Variants in SLC36A1 observed in about 807,000 individuals in gnomAD.
SLC36A1 encodes the protein solute carrier family 36 member 1.
In SLC36A1, 30 loss-of-function variants were observed where a neutral mutation model predicts 47.5. That is an observed-to-expected ratio of 0.63 (90% CI 0.47 to 0.86). The LOEUF (loss-of-function observed/expected upper bound fraction) is 0.86. Among genes scored for constraint, SLC36A1 ranks in the 40% least tolerant of loss-of-function variants. SLC36A1 has a pLI of 0.00. For synonymous variants in SLC36A1, 255 were observed against 249.7 expected (o/e 1.02, Z -0.20); for missense variants, 517 against 606.0 (o/e 0.85, Z 1.54).
chr5:151,420,904 T>A, the SLC36A1 span, among the ~76,000 whole-genome samples: 1 of 150,776 alleles, frequency 6.6e-6, no homozygotes, highest in Admixed American at 6.6e-5. Flanking sequence ...AGAGTCTCGC[T>A]CTGTTGCCCA....
At chr5:151,497,161 G>A (rs981338937), downstream of SLC36A1, among the ~76,000 whole-genome samples, 26 of 152,096 alleles carry the variant, frequency 1.7e-4, no homozygotes, top group Non-Finnish European at 2.4e-4. Flanking sequence ...TTTAAAAAAA[G>A]TGGTGAGAGT....
At chr5:151,468,956 C>G (rs1756966705) in intron 7 of SLC36A1, among the ~76,000 whole-genome samples, 2 of 152,072 alleles carry the variant, frequency 1.3e-5, no homozygotes, top group African/African-American at 4.8e-5. Context: ...GAGAGAACAT[C>G]TGTATACAGA....
the SLC36A1 span, among the ~76,000 whole-genome samples, chr5:151,369,866 C>T: frequency 2.0e-5 from 3 of 152,148 alleles, no homozygotes; most frequent in Admixed American, 1.3e-4. Flanking sequence ...GCGATCTCAG[C>T]TCACTGCAAC....
chr5:151,371,570 TGAGGTCATTGAGACTTAGTG>T, the SLC36A1 span, among the ~76,000 whole-genome samples: 1 of 152,210 alleles, frequency 6.6e-6, no homozygotes, highest in Non-Finnish European at 1.5e-5. Context: ...ACTTTAGAGA[TGAGGTCATTGAGACTTAGTG>T]AAGTTAAAAG....
the SLC36A1 span, among the ~76,000 whole-genome samples, chr5:151,533,685 A>T: frequency 2.0e-5 from 3 of 152,084 alleles, no homozygotes; most frequent in East Asian, 5.8e-4. Flanking sequence ...TCTGAATTAT[A>T]AAATTTGACT....
chr5:151,549,262 C>A, the SLC36A1 span: 1 of 1,599,304 alleles, frequency 6.3e-7, no homozygotes, highest in Non-Finnish European at 8.5e-7. Context: ...AGCATCTTGA[C>A]CCATCCTCTG....
the SLC36A1 span, chr5:151,542,954 T>A: frequency 6.2e-7 from 1 of 1,614,122 alleles, no homozygotes; most frequent in Non-Finnish European, 8.5e-7. Flanking sequence ...CGCACTAGAC[T>A]GTAGATGACT....
chr5:151,539,963 A>G, the SLC36A1 span, among the ~76,000 whole-genome samples: 19 of 152,210 alleles, frequency 1.2e-4, no homozygotes, highest in Admixed American at 1.2e-3. Flanking sequence ...ACCCCAGCAG[A>G]TGTGAGGAGG....
chr5:151,537,148 CAGAA>C, the SLC36A1 span, among the ~76,000 whole-genome samples: 3 of 144,126 alleles, frequency 2.1e-5, no homozygotes, highest in East Asian at 2.0e-4. Flanking sequence ...GACAGAAAGA[CAGAA>C]AGAAAAAGAG....
chr5:151,554,575 G>C, the SLC36A1 span: 1 of 1,614,118 alleles, frequency 6.2e-7, no homozygotes, highest in Non-Finnish European at 8.5e-7. Flanking sequence ...TGAAGAGCTT[G>C]TGGGAGAATA....
At chr5:151,446,322 A>C (rs1341247850), upstream of SLC36A1, among the ~76,000 whole-genome samples, 1 of 152,228 alleles carries the variant, frequency 6.6e-6, no homozygotes, top group Non-Finnish European at 1.5e-5. Context: ...ACCTGAGGTC[A>C]GGAGTTTGAG....
chr5:151,522,001 G>A, the SLC36A1 span: 1 of 1,614,180 alleles, frequency 6.2e-7, no homozygotes, highest in Non-Finnish European at 8.5e-7. Flanking sequence ...CAGTGGGAGA[G>A]CAGAAGGTGC....
At chr5:151,554,310 C>T in the SLC36A1 span, 1 of 1,534,228 alleles carries the variant, frequency 6.5e-7, no homozygotes, top group Non-Finnish European at 8.9e-7. Flanking sequence ...TCAAAGAAGG[C>T]CACTAACCAG....
chr5:151,368,358 G>T, the SLC36A1 span, among the ~76,000 whole-genome samples: 3 of 152,220 alleles, frequency 2.0e-5, no homozygotes, highest in South Asian at 6.2e-4. Context: ...TGCTAGATCT[G>T]TGTCTCTTGA....
At chr5:151,351,065 C>T in the SLC36A1 span, among the ~76,000 whole-genome samples, 2 of 152,142 alleles carry the variant, frequency 1.3e-5, no homozygotes, top group African/African-American at 4.8e-5. Flanking sequence ...TGTCTTTAGG[C>T]AGGCGTGAGG....
chr5:151,429,689 A>G, the SLC36A1 span, among the ~76,000 whole-genome samples: 1 of 152,120 alleles, frequency 6.6e-6, no homozygotes, highest in Non-Finnish European at 1.5e-5. Context: ...CAAAACTGGG[A>G]CTGGAATCTG....
At chr5:151,483,401 T>C (rs1759070208) in intron 10 of SLC36A1, among the ~76,000 whole-genome samples, 1 of 152,154 alleles carries the variant, frequency 6.6e-6, no homozygotes, top group Admixed American at 6.5e-5. Flanking sequence ...CGAGCTGAGG[T>C]TGTCCTCTGT....
chr5:151,512,303 G>C, the SLC36A1 span: 1 of 1,614,130 alleles, frequency 6.2e-7, no homozygotes, highest in Non-Finnish European at 8.5e-7. The surrounding 1 kb of genome is among the most constrained non-coding windows in gnomAD (Gnocchi z 4.1). Flanking sequence ...AGCAGATCTA[G>C]AGCCTCTTCG....
the SLC36A1 span, among the ~76,000 whole-genome samples, chr5:151,399,414 G>A: frequency 6.6e-6 from 1 of 152,024 alleles, no homozygotes. Flanking sequence ...ATACATATAT[G>A]TTTGAGGGAT....
Sources: allele counts gnomAD v4.1 joint callset (sites outside exome capture counted in the v4.1 genomes callset), GRCh38; gene constraint gnomAD v4.1.1; non-coding constraint Gnocchi (gnomAD v3.1); transcripts MANE v1.5; gene names NCBI Gene and HGNC (gene_info 2026-07-23, HGNC 2026-07-21).